CCSER2: variants seen among roughly 807,000 people sequenced by gnomAD.
CCSER2 encodes coiled-coil serine rich protein 2, also known as serine-rich coiled-coil domain-containing protein 2.
A neutral mutation model predicts 92.3 loss-of-function variants in CCSER2; 46 were observed. That is an observed-to-expected ratio of 0.50 (90% confidence interval 0.39 to 0.64). CCSER2 has a LOEUF of 0.64. Ranked by LOEUF, CCSER2 falls within the 30% of genes least tolerant of loss-of-function variation. CCSER2 has a pLI of 0.00. For synonymous variants in CCSER2, 433 were observed against 431.4 expected (o/e 1.00, Z -0.04); for missense variants, 1,244 against 1,238.9 (o/e 1.00, Z -0.06).
At chr10:84,418,940 A>C (rs1031478841) in intron 4 of CCSER2, among the ~76,000 whole-genome samples, 5 of 152,224 alleles carry the variant, frequency 3.3e-5, no homozygotes, top group Non-Finnish European at 5.9e-5. Context: ...GGTTGTTCTC[A>C]CGACAGCAGA....
chr10:84,480,922 A>G (rs1328688009), intron 9 of CCSER2, among the ~76,000 whole-genome samples: 1 of 152,164 alleles, frequency 6.6e-6, no homozygotes, highest in Non-Finnish European at 1.5e-5. Context: ...CAAAATGAAG[A>G]AATGCATTAC....
At chr10:84,434,017 T>G (rs1001315516) in intron 5 of CCSER2, among the ~76,000 whole-genome samples, 1 of 152,244 alleles carries the variant, frequency 6.6e-6, no homozygotes, top group East Asian at 1.9e-4. Context: ...ACAGCAGCTT[T>G]GCAGTCTTCA....
chr10:84,374,412 A>T (rs1846222914), intron 3 of CCSER2, among the ~76,000 whole-genome samples: 1 of 152,140 alleles, frequency 6.6e-6, no homozygotes, highest in Non-Finnish European at 1.5e-5. Context: ...AGTGATCTAA[A>T]CTACTTTGAT....
At chr10:84,345,238 T>C (rs905786386) in intron 1 of CCSER2, among the ~76,000 whole-genome samples, 1 of 152,196 alleles carries the variant, frequency 6.6e-6, no homozygotes, top group East Asian at 1.9e-4. Context: ...TTGAGAACTA[T>C]TGCAAATTAT....
intron 1 of CCSER2, among the ~76,000 whole-genome samples, chr10:84,355,040 C>T (rs1222787273): frequency 6.6e-6 from 1 of 151,908 alleles, no homozygotes; most frequent in East Asian, 1.9e-4. Flanking sequence ...ATCTTTTGTA[C>T]CTTTTTGCTA....
At chr10:84,455,800 C>T in intron 6 of CCSER2, 2 of 1,066,734 alleles carry the variant, frequency 1.9e-6, no homozygotes, top group South Asian at 1.2e-5. Context: ...TTTTCACAGA[C>T]TTATCTGACT....
At chr10:84,339,672 T>A (rs1048604963) in intron 1 of CCSER2, among the ~76,000 whole-genome samples, 6 of 150,758 alleles carry the variant, frequency 4.0e-5, no homozygotes, top group Non-Finnish European at 8.9e-5. Flanking sequence ...ACGAGGTTTC[T>A]CCATGTTGGT....
intron 7 of CCSER2, among the ~76,000 whole-genome samples, chr10:84,465,751 G>T (rs548342464): frequency 3.0e-4 from 45 of 151,228 alleles, no homozygotes; most frequent in African/African-American, 8.5e-4. Context: ...GACATTTTTT[G>T]CTTTTTTTTT....
At chr10:84,330,723 G>T (rs888721645) in intron 1 of CCSER2, among the ~76,000 whole-genome samples, 2 of 152,016 alleles carry the variant, frequency 1.3e-5, no homozygotes, top group African/African-American at 4.8e-5. Flanking sequence ...GGCCAGACTG[G>T]TCTCAAACTC....
At chr10:84,357,264 G>A (rs528645777) in intron 1 of CCSER2, among the ~76,000 whole-genome samples, 19 of 152,216 alleles carry the variant, frequency 1.2e-4, no homozygotes, top group African/African-American at 4.1e-4. Flanking sequence ...ACACATGTCT[G>A]TTAACCCCAG....
At chr10:84,502,523 C>T (rs1212860590) in intron 9 of CCSER2, among the ~76,000 whole-genome samples, 2 of 152,094 alleles carry the variant, frequency 1.3e-5, no homozygotes, top group Admixed American at 1.3e-4. Context: ...AGGCGCCTGC[C>T]ACTACGCCCA....
chr10:84,499,014 A>G (rs10887311), intron 9 of CCSER2, among the ~76,000 whole-genome samples: 86,381 of 152,170 alleles, frequency 0.57, 27,242 homozygotes, highest in East Asian at 0.74. Context: ...CCACGTAACC[A>G]GTGGCCTACA....
chr10:84,375,720 T>C (rs931210887), intron 3 of CCSER2, among the ~76,000 whole-genome samples: 1 of 151,728 alleles, frequency 6.6e-6, no homozygotes, highest in Admixed American at 6.6e-5. Context: ...TAGTTTATTA[T>C]TTTAAAATTT....
chr10:84,473,142 T>C (rs1846919739), intron 8 of CCSER2: 1 of 152,194 alleles, frequency 6.6e-6, no homozygotes. Context: ...CATTAATCTT[T>C]ATCAGTAGGT....
At chr10:84,470,607 A>G in intron 8 of CCSER2, 149 bp downstream of exon 8, 1 of 501,974 alleles carries the variant, frequency 2.0e-6, no homozygotes, top group Non-Finnish European at 3.0e-6. Flanking sequence ...GCACTGTAAT[A>G]AAAGTATGTG....
chr10:84,374,017 T>A (rs1483223709), intron 3 of CCSER2: 20 of 1,141,440 alleles, frequency 1.8e-5, no homozygotes, highest in African/African-American at 3.1e-5. Flanking sequence ...GACTTAAATA[T>A]ACTCAACATG....
In CCSER2 at chr10:84,517,089, T is replaced by C. The variant is rs569379132; in HGVS notation, c.*2822T>C. The C allele has an allele frequency of 1.3e-5, 2 of 152,328 alleles. No homozygotes were observed. Among genetic ancestry groups the C allele is most frequent in the African/African-American group, 4.8e-5 (2 of 41,578 alleles). 9.4% of individuals were successfully genotyped at this position (152,328 alleles called of 1,614,324 possible). On this transcript the variant is annotated 3_prime_UTR_variant, in exon 10 of 10. Transcript: ENST00000372088. ...AAATCAACTCTGTGCCAAATCCTCC[T>C]CCACAAACCATTTATTGTCTTAGTT...
At chr10:84,477,694 C>T (rs1449940562) in intron 9 of CCSER2, 30 bp downstream of exon 9, 2 of 1,166,932 alleles carry the variant, frequency 1.7e-6, no homozygotes, top group Admixed American at 1.8e-5. Flanking sequence ...AGCCTCCTCT[C>T]CAGTCATTTG....
At chr10:84,337,629 T>C (rs192239375) in intron 1 of CCSER2, among the ~76,000 whole-genome samples, 216 of 152,330 alleles carry the variant, frequency 1.4e-3, no homozygotes, top group Middle Eastern at 0.014. Flanking sequence ...AGTCAAGGAA[T>C]TGTTTTTTAA....
Sources: allele counts gnomAD v4.1 joint callset (sites outside exome capture counted in the v4.1 genomes callset), GRCh38; gene constraint gnomAD v4.1.1; transcripts MANE v1.5; gene names NCBI Gene and HGNC (gene_info 2026-07-23, HGNC 2026-07-21).